The following TRAPPC10 variants were observed in gnomAD, a reference collection of about 807,000 sequenced individuals.
The protein encoded by TRAPPC10 is TRAPP 130 kDa subunit.
A neutral mutation model predicts 125.5 loss-of-function variants in TRAPPC10; 23 were observed. The ratio of observed to expected loss-of-function variants is 0.18; its 90% CI spans 0.13 to 0.26. TRAPPC10 has a LOEUF of 0.26. TRAPPC10 is among the 10% of genes least tolerant of loss of function. The pLI, the probability that TRAPPC10 is intolerant of heterozygous loss-of-function variation, is 1.00. For synonymous variants in TRAPPC10, 509 were observed against 518.0 expected (o/e 0.98, Z 0.24); for missense variants, 1,123 against 1,308.4 (o/e 0.86, Z 2.19).
intron 18 of TRAPPC10, among the ~76,000 whole-genome samples, chr21:44,091,272 A>G (rs910720560): frequency 2.0e-5 from 3 of 152,176 alleles, no homozygotes; most frequent in Non-Finnish European, 4.4e-5. Flanking sequence ...TCATCTCTCA[A>G]TGGAGAGTCT....
rs969783391 is a variant in TRAPPC10, at chr21:44,087,996, C to T, written c.2769+68C>T. Reference sequence around the variant, plus strand: ...CCGCCCGCCTGCCTGCTGGGAAAGGCGATGTAGCGATGCCTGCTGTTAGCC... The same window carrying T: ...CCGCCCGCCTGCCTGCTGGGAAAGGTGATGTAGCGATGCCTGCTGTTAGCC... On this transcript the variant is annotated intron_variant, in intron 17 of 22. Transcript: ENST00000291574. The surrounding 1 kb of genome is among the most constrained non-coding windows in gnomAD (Gnocchi z 4.6). 1.3e-5 allele frequency: 18 copies of T among 1,336,820 alleles called. No homozygotes were observed. The highest frequency in any genetic ancestry group is 7.5e-5 in the East Asian group (3 of 40,020). The allele number at this position is 1,336,820 out of a possible 1,614,324, so 82.8% of individuals were successfully genotyped here.
intron 7 of TRAPPC10, among the ~76,000 whole-genome samples, chr21:44,069,151 C>T (rs1241781097): frequency 6.6e-6 from 1 of 152,110 alleles, no homozygotes; most frequent in African/African-American, 2.4e-5. Flanking sequence ...GGTTATGCAC[C>T]AGCCGTGAAG....
At chr21:44,034,736 G>A (rs2033861797) in intron 2 of TRAPPC10, among the ~76,000 whole-genome samples, 1 of 152,200 alleles carries the variant, frequency 6.6e-6, no homozygotes, top group African/African-American at 2.4e-5. Context: ...TTCAATTAGG[G>A]TAGACCCTGA....
At position 44,012,516 on chromosome 21, in the gene TRAPPC10, T is replaced by C; in HGVS notation, c.23T>C (p.Leu8Pro). 1.3e-6 allele frequency: 2 copies of C among 1,518,054 alleles called. No homozygotes were observed. Among genetic ancestry groups the C allele is most frequent in the Non-Finnish European group, 8.8e-7 (1 of 1,131,150 alleles). 94.0% of individuals were successfully genotyped at this position (1,518,054 alleles called of 1,614,324 possible). ...CCCATGGACGCCTCTGAGGAGCCGC[T>C]GCCGCCGGTGATCTACACCATGGAG... is the stretch of plus-strand genomic sequence containing the variant. Reference protein sequence around the residue: MDASEEPLPPVIYTMENK... With the variant: MDASEEPPPPVIYTMENK... The change falls in exon 1 of 23, where the codon CTG becomes CCG. Residue 8 changes from leucine to proline, a missense_variant. Around this residue, in one of 4 missense-constraint regions of TRAPPC10, gnomAD observed 177 missense variants for 228.9 expected, o/e 0.77. Coordinates refer to ENST00000291574, the MANE Select transcript of TRAPPC10 (RefSeq NM_003274.5).
chr21:44,043,239 AGTCTTACCCT>A lies in TRAPPC10; in HGVS notation c.285+5315_285+5324del, dbSNP rs2034541402. On this transcript the variant is annotated intron_variant, in intron 3 of 22. Coordinates refer to ENST00000291574, the MANE Select transcript of TRAPPC10 (RefSeq NM_003274.5). The stretch of plus-strand genomic sequence containing the variant: ...TTTTTTTTTTTTTTTTTTGGGATGG[AGTCTTACCCT>A]GTTGCCCAGGCTGGAGTGCAGTGGC... Among the ~76,000 whole-genome samples the A allele has an allele frequency of 4.1e-5, 4 of 96,388 alleles. No homozygotes were observed. In the South Asian group the frequency reaches 1.4e-3, roughly 33 times the overall value. 63.2% of individuals were successfully genotyped at this position (96,388 alleles called of 152,430 possible).
intron 7 of TRAPPC10, among the ~76,000 whole-genome samples, chr21:44,069,075 T>C (rs1423317820): frequency 6.6e-6 from 1 of 152,190 alleles, no homozygotes; most frequent in African/African-American, 2.4e-5. Flanking sequence ...TGAAGATAAC[T>C]TGGGAAAATG....
chr21:44,043,214 T>C (rs1414137946), intron 3 of TRAPPC10, among the ~76,000 whole-genome samples: 1 of 142,382 alleles, frequency 7.0e-6, no homozygotes, highest in Non-Finnish European at 1.5e-5. Context: ...TTACGCTTTT[T>C]TTTTTTTTTT....
chr21:44,081,865 C>T (rs569692038), intron 13 of TRAPPC10, among the ~76,000 whole-genome samples: 5 of 152,114 alleles, frequency 3.3e-5, no homozygotes, highest in Middle Eastern at 3.4e-3. Context: ...GGCGACAGAG[C>T]GAGACCCTGT....
intron 1 of TRAPPC10, among the ~76,000 whole-genome samples, chr21:44,016,935 A>T (rs368740168): frequency 6.6e-6 from 1 of 152,222 alleles, no homozygotes; most frequent in Non-Finnish European, 1.5e-5. Context: ...GATTATAGGC[A>T]TGAGCCACCG....
rs773239618 is a variant in TRAPPC10, at chr21:44,086,971, G to T, written c.2539+11G>T. On this transcript the variant is annotated intron_variant, in intron 16 of 22. Transcript: ENST00000291574. ...ACTCCAACACGAGAGGTGAGGTGCC[G>T]CCCACCCAGGCCCAAGGAGGATGCC... The T allele has an allele frequency of 6.2e-7, 1 of 1,612,842 alleles. No individual in the cohort carries two copies. Among genetic ancestry groups the T allele is most frequent in the Admixed American group, 1.7e-5 (1 of 59,974 alleles).
intron 18 of TRAPPC10, among the ~76,000 whole-genome samples, chr21:44,090,654 G>A (rs1465720673): frequency 2.6e-5 from 4 of 152,162 alleles, no homozygotes; most frequent in African/African-American, 9.7e-5. Context: ...GGCCCACGGT[G>A]TCCAGGTGTC....
intron 2 of TRAPPC10, among the ~76,000 whole-genome samples, chr21:44,037,036 T>G (rs1047120845): frequency 6.6e-6 from 1 of 152,192 alleles, no homozygotes; most frequent in Non-Finnish European, 1.5e-5. Context: ...ATAGTCCCAT[T>G]CATGATGGTT....
chr21:44,086,008 C>T (rs1354172076), intron 15 of TRAPPC10, among the ~76,000 whole-genome samples: 5 of 152,258 alleles, frequency 3.3e-5, no homozygotes, highest in Non-Finnish European at 7.3e-5. Flanking sequence ...TCTTGTGTGG[C>T]CACCAGCAAA....
At chr21:44,093,978 G>T (rs949910079) in intron 19 of TRAPPC10, 85 bp from the exon 20 acceptor site, 1 of 1,423,122 alleles carries the variant, frequency 7.0e-7, no homozygotes, top group Non-Finnish European at 9.6e-7. Flanking sequence ...AGCACCCTTC[G>T]CATGGCGTGT....
In TRAPPC10 at chr21:44,072,241, G is replaced by A. The variant is rs371260279; in HGVS notation, c.1039-2083G>A. The stretch of plus-strand genomic sequence containing the variant: ...GGGTGCACCTGTGCTGTCAGGTGGC[G>A]CCTCAGCTCTCGGCTGCTGCTGTTC... On this transcript the variant is annotated intron_variant, in intron 7 of 22. Transcript: ENST00000291574. 2.0e-5 allele frequency among the ~76,000 whole-genome samples: 3 copies of A among 152,188 alleles called. No homozygotes were observed. In the East Asian group the frequency reaches 5.8e-4, roughly 30 times the overall value.
chr21:44,047,207 G>T (rs538006571), intron 3 of TRAPPC10, among the ~76,000 whole-genome samples: 1 of 152,032 alleles, frequency 6.6e-6, no homozygotes. Flanking sequence ...TTTTGAGGCA[G>T]GGTGTTACTC....
At chr21:44,015,857 GC>G (rs11302758) in intron 1 of TRAPPC10, among the ~76,000 whole-genome samples, 2,035 of 152,126 alleles carry the variant, frequency 0.013, 44 homozygotes, top group African/African-American at 0.045. Flanking sequence ...CAGGTGACCT[GC>G]CCGCCTCGGC....
At chr21:44,094,509 A>G (rs78526522) in intron 20 of TRAPPC10, among the ~76,000 whole-genome samples, 3,504 of 152,240 alleles carry the variant, frequency 0.023, 67 homozygotes, top group Middle Eastern at 0.051. Context: ...TTTTTCTTCT[A>G]TCTTTTTCCC....
chr21:44,081,230 A>T (rs939729311), intron 13 of TRAPPC10, among the ~76,000 whole-genome samples: 2 of 151,820 alleles, frequency 1.3e-5, no homozygotes, highest in Admixed American at 1.3e-4. Flanking sequence ...GCATGATTGT[A>T]GCCCACTGCA....
Sources: allele counts gnomAD v4.1 joint callset (sites outside exome capture counted in the v4.1 genomes callset), GRCh38; gene constraint gnomAD v4.1.1; regional missense constraint gnomAD v4.1.1; non-coding constraint Gnocchi (gnomAD v3.1); transcripts MANE v1.5; gene names NCBI Gene and HGNC (gene_info 2026-07-23, HGNC 2026-07-21).